GRID2: variants seen among roughly 807,000 people sequenced by gnomAD.
GRID2 encodes the protein glutamate ionotropic receptor delta type subunit 2.
In GRID2, 33 loss-of-function variants were observed where a neutral mutation model predicts 114.8. The ratio of observed to expected loss-of-function variants is 0.29; its 90% CI spans 0.22 to 0.38. The LOEUF (loss-of-function observed/expected upper bound fraction) is 0.38, where lower values mean the gene tolerates loss of function less well. Among genes scored for constraint, GRID2 ranks in the 10% least tolerant of loss-of-function variants. The probability of loss-of-function intolerance (pLI) is 1.00; values close to 1 mark genes in which losing one functional copy is unlikely to be tolerated. For synonymous variants in GRID2, 505 were observed against 449.9 expected, an observed-to-expected ratio of 1.12 and a Z score of -1.55; for missense variants, 1,184 against 1,257.7, an observed-to-expected ratio of 0.94 and a Z score of 0.89.
chr4:92,379,502 A>G (rs1386337208), intron 1 of GRID2, among the ~76,000 whole-genome samples: 1 of 152,098 alleles, frequency 6.6e-6, no homozygotes, highest in Non-Finnish European at 1.5e-5. Context: ...AATTTTTAAA[A>G]CAAATATCTT....
chr4:92,787,275 A>C (rs1739362623), intron 2 of GRID2, among the ~76,000 whole-genome samples: 2 of 151,938 alleles, frequency 1.3e-5, no homozygotes, highest in Non-Finnish European at 1.5e-5. Flanking sequence ...AACAAACATA[A>C]AAAGGTGTAA....
rs1321620327 is a variant in GRID2, at chr4:92,304,037, T to G, written c.-620T>G. 1 of 152,824 alleles carries G rather than the reference T, an allele frequency of 6.5e-6. No homozygotes were observed. The highest frequency in any genetic ancestry group is 1.5e-5 in the Non-Finnish European group (1 of 68,540). The allele number at this position is 152,824 out of a possible 1,614,324, so 9.5% of individuals were successfully genotyped here. On this transcript the variant is annotated 5_prime_UTR_variant, in exon 1 of 16. Transcript: ENST00000282020. Reference sequence around the variant, plus strand: ...ACGCAGAAAGGGAATTTTCTCTGCATTACTATCTGCATTACCTTGAAGTTC... The same window carrying G: ...ACGCAGAAAGGGAATTTTCTCTGCAGTACTATCTGCATTACCTTGAAGTTC...
chr4:93,162,529 A>G (rs949390812), intron 4 of GRID2, among the ~76,000 whole-genome samples: 1 of 151,890 alleles, frequency 6.6e-6, no homozygotes, highest in African/African-American at 2.4e-5. Flanking sequence ...GTGTGTTTGT[A>G]TATTCCTTTT....
At chr4:92,476,555 T>C (rs985256553) in intron 1 of GRID2, among the ~76,000 whole-genome samples, 2 of 152,182 alleles carry the variant, frequency 1.3e-5, no homozygotes, top group Non-Finnish European at 2.9e-5. Flanking sequence ...TCCTTCACTC[T>C]GTGTTGCTTT....
chr4:92,512,353 A>C (rs998486974), intron 1 of GRID2, among the ~76,000 whole-genome samples: 4 of 151,874 alleles, frequency 2.6e-5, no homozygotes, highest in African/African-American at 9.7e-5. Context: ...ATATTCATTC[A>C]TGTGAGTTCA....
At chr4:93,005,514 G>A (rs555808582) in intron 2 of GRID2, among the ~76,000 whole-genome samples, 11 of 151,970 alleles carry the variant, frequency 7.2e-5, no homozygotes, top group African/African-American at 1.4e-4. Flanking sequence ...TACTTTCCTC[G>A]GAACTCTCAA....
intron 4 of GRID2, among the ~76,000 whole-genome samples, chr4:93,191,349 A>G (rs920851364): frequency 1.3e-5 from 2 of 152,100 alleles, no homozygotes; most frequent in Non-Finnish European, 2.9e-5. Flanking sequence ...CTGCCATAGC[A>G]AGCTGTCTTC....
intron 9 of GRID2, among the ~76,000 whole-genome samples, chr4:93,405,862 A>G (rs954001201): frequency 2.0e-5 from 3 of 152,274 alleles, no homozygotes; most frequent in Admixed American, 2.0e-4. Context: ...ATGAATATAA[A>G]TAAAAACTTG....
intron 2 of GRID2, among the ~76,000 whole-genome samples, chr4:92,602,803 C>A (rs1729280519): frequency 6.6e-6 from 1 of 152,158 alleles, no homozygotes; most frequent in African/African-American, 2.4e-5. Context: ...ATCTAGAAAA[C>A]CCCATCGTCT....
At chr4:93,274,305 A>G (rs1013173069) in intron 8 of GRID2, among the ~76,000 whole-genome samples, 1 of 152,256 alleles carries the variant, frequency 6.6e-6, no homozygotes, top group East Asian at 1.9e-4. Flanking sequence ...CTTCGGTTAC[A>G]CCAAAGGCAC....
At chr4:93,247,619 A>G (rs1209096373) in intron 8 of GRID2, among the ~76,000 whole-genome samples, 1 of 152,042 alleles carries the variant, frequency 6.6e-6, no homozygotes, top group African/African-American at 2.4e-5. Context: ...TTGGGTTTAG[A>G]CTGAAACTAT....
chr4:92,833,138 G>C (rs1742232381), intron 2 of GRID2, among the ~76,000 whole-genome samples: 1 of 152,136 alleles, frequency 6.6e-6, no homozygotes, highest in African/African-American at 2.4e-5. Context: ...AGCAATGCAG[G>C]ATAACTTTCC....
chr4:92,673,363 G>A (rs1184115300), intron 2 of GRID2, among the ~76,000 whole-genome samples: 3 of 152,004 alleles, frequency 2.0e-5, no homozygotes, highest in Non-Finnish European at 2.9e-5. Flanking sequence ...TTCTACATAC[G>A]CTATTTTTTA....
intron 2 of GRID2, among the ~76,000 whole-genome samples, chr4:92,839,952 T>A (rs116200400): frequency 0.016 from 2,412 of 152,134 alleles, 63 homozygotes; most frequent in African/African-American, 0.055. Flanking sequence ...TTGGGACCTA[T>A]CTCTCTCTTT....
At chr4:92,358,900 T>G (rs1179886990) in intron 1 of GRID2, among the ~76,000 whole-genome samples, 1 of 151,826 alleles carries the variant, frequency 6.6e-6, no homozygotes, top group African/African-American at 2.4e-5. Context: ...ATATGCATAC[T>G]TTTTTGCATT....
At chr4:92,648,310 T>C (rs1731747060) in intron 2 of GRID2, among the ~76,000 whole-genome samples, 2 of 149,626 alleles carry the variant, frequency 1.3e-5, no homozygotes, top group African/African-American at 5.0e-5. Flanking sequence ...CCAAATACTG[T>C]AAATCACCAA....
chr4:93,284,191 T>C (rs1192762169), intron 8 of GRID2, among the ~76,000 whole-genome samples: 2 of 152,136 alleles, frequency 1.3e-5, no homozygotes, highest in Non-Finnish European at 2.9e-5. Context: ...TTGATTCTTT[T>C]GCATCTAAGG....
chr4:93,742,294 T>C, intron 14 of GRID2, among the ~76,000 whole-genome samples: 1 of 152,202 alleles, frequency 6.6e-6, no homozygotes, highest in East Asian at 1.9e-4. Flanking sequence ...TTTGTCCTCA[T>C]GGATTAAGCA....
At chr4:93,748,525 G>C (rs1030964290) in intron 14 of GRID2, among the ~76,000 whole-genome samples, 1 of 152,136 alleles carries the variant, frequency 6.6e-6, no homozygotes, top group African/African-American at 2.4e-5. Context: ...GTTGAAACTT[G>C]TCTTTGAACA....
Sources: gnomAD v4.1 joint callset for allele counts (sites outside exome capture counted in the v4.1 genomes callset) on GRCh38, gnomAD v4.1.1 for gene constraint, MANE v1.5 for transcripts, NCBI Gene and HGNC (gene_info 2026-07-23, HGNC 2026-07-21) for gene names.